The following SLC9A2 variants were observed in gnomAD, a reference collection of about 807,000 sequenced individuals.
The protein encoded by SLC9A2 is sodium/hydrogen exchanger 2.
SLC9A2 carries 42 observed loss-of-function variants against 71.7 expected under a neutral mutation model. The ratio of observed to expected loss-of-function variants is 0.59; its 90% CI spans 0.46 to 0.76. The LOEUF (loss-of-function observed/expected upper bound fraction) is 0.76. SLC9A2 is among the 30% of genes least tolerant of loss of function. The pLI is 0.00. For synonymous variants in SLC9A2, 396 were observed against 392.5 expected (o/e 1.01, Z -0.10); for missense variants, 829 against 1,017.4 (o/e 0.81, Z 2.52).
intron 7 of SLC9A2, among the ~76,000 whole-genome samples, chr2:102,696,344 G>C: frequency 6.6e-6 from 1 of 152,072 alleles, no homozygotes; most frequent in East Asian, 1.9e-4. Context: ...ACTATATTTG[G>C]TAGATCCCTC....
At chr2:102,707,230 A>C (rs1208790373) in intron 11 of SLC9A2, among the ~76,000 whole-genome samples, 1 of 152,010 alleles carries the variant, frequency 6.6e-6, no homozygotes, top group Admixed American at 6.5e-5. Context: ...ACAAATCTGC[A>C]CATGTACCCC....
At chr2:102,666,317 T>C (rs1677140519) in intron 3 of SLC9A2, among the ~76,000 whole-genome samples, 1 of 147,096 alleles carries the variant, frequency 6.8e-6, no homozygotes, top group African/African-American at 2.5e-5. Context: ...TGCCTCAGCC[T>C]CCTGAGTAGC....
intron 7 of SLC9A2, among the ~76,000 whole-genome samples, chr2:102,698,716 T>C (rs755762072): frequency 3.3e-5 from 5 of 152,114 alleles, no homozygotes; most frequent in Admixed American, 6.5e-5. Context: ...CTTCTAATAG[T>C]GATTGTTGAA....
intron 1 of SLC9A2, among the ~76,000 whole-genome samples, chr2:102,627,397 G>A (rs1469471772): frequency 1.3e-5 from 2 of 152,150 alleles, no homozygotes; most frequent in Non-Finnish European, 2.9e-5. Context: ...GATGGTTTTG[G>A]TATATGGATA....
intron 2 of SLC9A2, among the ~76,000 whole-genome samples, chr2:102,664,152 T>C (rs1402897613): frequency 6.6e-6 from 1 of 151,818 alleles, no homozygotes; most frequent in Non-Finnish European, 1.5e-5. Context: ...GGCGCCTGCC[T>C]GTAATCTCAG....
intron 1 of SLC9A2, among the ~76,000 whole-genome samples, chr2:102,651,537 G>A (rs779714495): frequency 1.3e-5 from 2 of 152,152 alleles, no homozygotes; most frequent in African/African-American, 2.4e-5. Flanking sequence ...TTGTTCAGGT[G>A]TCACTCACCA....
chr2:102,651,400 C>T (rs1676832003), intron 1 of SLC9A2, among the ~76,000 whole-genome samples: 2 of 152,324 alleles, frequency 1.3e-5, no homozygotes, highest in African/African-American at 4.8e-5. Flanking sequence ...CTGCTTCATT[C>T]TCCCAGCTCC....
At chr2:102,643,717 C>T (rs537806937) in intron 1 of SLC9A2, among the ~76,000 whole-genome samples, 1 of 152,220 alleles carries the variant, frequency 6.6e-6, no homozygotes, top group East Asian at 1.9e-4. Context: ...ACTCCATCTT[C>T]CCAAAAACAG....
chr2:102,679,385 A>C (rs199913410), intron 3 of SLC9A2, among the ~76,000 whole-genome samples: 1 of 74,400 alleles, frequency 1.3e-5, no homozygotes, highest in Non-Finnish European at 2.6e-5. Context: ...TATATATATA[A>C]TTTTTTTTTT....
chr2:102,625,265 T>C (rs1004754826), intron 1 of SLC9A2, among the ~76,000 whole-genome samples: 2 of 152,208 alleles, frequency 1.3e-5, no homozygotes, highest in African/African-American at 4.8e-5. Context: ...TTCTAGAATT[T>C]TGCCACTACA....
At chr2:102,699,526 T>G (rs899876095) in intron 7 of SLC9A2, among the ~76,000 whole-genome samples, 1 of 152,200 alleles carries the variant, frequency 6.6e-6, no homozygotes, top group Non-Finnish European at 1.5e-5. Flanking sequence ...TGGTGCTCAC[T>G]ACAAGAATCC....
At chr2:102,637,961 G>A (rs1676500965) in intron 1 of SLC9A2, among the ~76,000 whole-genome samples, 1 of 152,228 alleles carries the variant, frequency 6.6e-6, no homozygotes, top group Non-Finnish European at 1.5e-5. Context: ...GCCAGCTCTT[G>A]CCCTGCCCAA....
chr2:102,642,326 C>A (rs936014260), intron 1 of SLC9A2, among the ~76,000 whole-genome samples: 1 of 152,180 alleles, frequency 6.6e-6, no homozygotes, highest in African/African-American at 2.4e-5. Flanking sequence ...TGATCTTTGA[C>A]AAGCTGAGGA....
intron 4 of SLC9A2, 115 bp from the exon 5 acceptor site, chr2:102,684,018 TG>T: frequency 2.8e-6 from 2 of 715,420 alleles, no homozygotes; most frequent in Non-Finnish European, 4.8e-6. Context: ...GGAAAGACTT[TG>T]GGGCCTATTC....
In SLC9A2 at chr2:102,648,989, A is replaced by G. The variant is rs544889275; in HGVS notation, c.290-8575A>G. Among the ~76,000 whole-genome samples, 139 of 152,326 alleles carry G rather than the reference A, an allele frequency of 9.1e-4. 1 individual carries two copies. The highest frequency in any genetic ancestry group is 3.2e-3 in the African/African-American group (131 of 41,566). On this transcript the variant is annotated intron_variant, in intron 1 of 11. Transcript: ENST00000233969. ...AGAGAACTGAAAAAGACTACTTTAA[A>G]TTTCATATGGAAACAAAAAAAGACA...
intron 8 of SLC9A2, 58 bp downstream of exon 8, chr2:102,701,289 T>C (rs1677869867): frequency 4.1e-6 from 5 of 1,233,632 alleles, no homozygotes; most frequent in African/African-American, 1.5e-5. Context: ...GATAGTATTT[T>C]GAAACTGGTA....
chr2:102,628,105 T>C (rs1031052683), intron 1 of SLC9A2, among the ~76,000 whole-genome samples: 107 of 152,264 alleles, frequency 7.0e-4, no homozygotes, highest in Non-Finnish European at 8.7e-4. Context: ...TGATATACTG[T>C]ACACTTAAGA....
intron 1 of SLC9A2, among the ~76,000 whole-genome samples, chr2:102,646,768 AAT>A (rs201347551): frequency 6.5e-4 from 86 of 132,830 alleles, no homozygotes; most frequent in Admixed American, 7.3e-4. Context: ...AACGATCCTA[AAT>A]ATATATATAT....
chr2:102,689,525 G>A (rs370099154), intron 5 of SLC9A2, among the ~76,000 whole-genome samples: 1 of 152,048 alleles, frequency 6.6e-6, no homozygotes, highest in African/African-American at 2.4e-5. Flanking sequence ...ACCCTCAAAT[G>A]TGCCTTCATT....
Sources: gnomAD v4.1 joint callset for allele counts (sites outside exome capture counted in the v4.1 genomes callset) on GRCh38, gnomAD v4.1.1 for gene constraint, MANE v1.5 for transcripts, NCBI Gene and HGNC (gene_info 2026-07-23, HGNC 2026-07-21) for gene names.